TECTA: variants seen among roughly 807,000 people sequenced by gnomAD.
The protein encoded by TECTA is tectorin alpha.
A neutral mutation model predicts 216.8 loss-of-function variants in TECTA; 128 were observed. The ratio of observed to expected loss-of-function variants is 0.59; its 90% CI spans 0.51 to 0.68. The LOEUF is 0.68. TECTA is among the 30% of genes least tolerant of loss of function. The pLI is 0.00. For missense variants in TECTA, 2,551 were observed against 2,786.2 expected, an observed-to-expected ratio of 0.92 and a Z score of 1.90; for synonymous variants, 1,089 against 1,117.1, an observed-to-expected ratio of 0.97 and a Z score of 0.50.
chr11:121,117,574 T>C (rs1194342071), intron 6 of TECTA, among the ~76,000 whole-genome samples: 1 of 152,226 alleles, frequency 6.6e-6, no homozygotes, highest in Non-Finnish European at 1.5e-5. Context: ...CCCTCCCCTT[T>C]CCTCATTCTC....
At chr11:121,189,026 A>G (rs1489491160) in intron 21 of TECTA, 54 bp from the exon 22 acceptor site, 8 of 1,581,728 alleles carry the variant, frequency 5.1e-6, no homozygotes, top group African/African-American at 2.7e-5. Flanking sequence ...ATGGTGAAGA[A>G]TAAGTTATCA....
At chr11:121,104,417 T>C (rs1023590594) in intron 2 of TECTA, among the ~76,000 whole-genome samples, 1 of 152,134 alleles carries the variant, frequency 6.6e-6, no homozygotes, top group Non-Finnish European at 1.5e-5. Context: ...TCGGGCTGCT[T>C]CTCAGCAACT....
chr11:121,127,596 G>A lies in TECTA; in HGVS notation c.1775-156G>A, dbSNP rs549872431. On this transcript the variant is annotated intron_variant, in intron 8 of 23. Transcript: ENST00000392793. This position sits in a 1 kb window ranked among gnomAD's most constrained non-coding sequence, Gnocchi z 5.0. ...GTTATTAGGAGAGTCATTGAGCTGGGTTTTACAGATACAACCTCAATTCTG... is the reference window on the plus strand; with the variant it reads ...GTTATTAGGAGAGTCATTGAGCTGGATTTTACAGATACAACCTCAATTCTG... 1.3e-5 allele frequency among the ~76,000 whole-genome samples: 2 copies of A among 152,272 alleles called. No individual in the cohort carries two copies. The highest frequency in any genetic ancestry group is 4.1e-4 in the South Asian group (2 of 4,820).
rs767178905 is a variant in TECTA at position 121,190,740 on chromosome 11, GCTT to G, written c.6408_6410del (p.Leu2137del). 1.2e-6 allele frequency: 2 copies of G among 1,613,700 alleles called. No homozygotes were observed. Among genetic ancestry groups the G allele is most frequent in the Admixed American group, 1.7e-5 (1 of 59,998 alleles). Reference sequence around the variant, plus strand: ...CTTCAATGGAACTTCAAGTCTGGACGCTTCTTCTCATCATGATCCAGATTTCAT... The same window carrying G: ...CTTCAATGGAACTTCAAGTCTGGACGCTTCTCATCATGATCCAGATTTCAT... On this transcript the variant is annotated inframe_deletion, in exon 24 of 24. Coordinates refer to ENST00000392793, the MANE Select transcript of TECTA (RefSeq NM_005422.4).
chr11:121,166,539 A>T, intron 17 of TECTA, 39 bp from the exon 18 acceptor site: 1 of 1,609,384 alleles, frequency 6.2e-7, no homozygotes, highest in Non-Finnish European at 8.5e-7. Context: ...AGCAAGACCG[A>T]CTCCACTGAT....
At chr11:121,183,828 C>G (rs1383368202) in intron 20 of TECTA, among the ~76,000 whole-genome samples, 1 of 152,144 alleles carries the variant, frequency 6.6e-6, no homozygotes, top group Non-Finnish European at 1.5e-5. Flanking sequence ...CACTCTATTG[C>G]CCAGGCTAGA....
intron 20 of TECTA, among the ~76,000 whole-genome samples, chr11:121,180,516 CTT>C (rs1372050662): frequency 4.6e-5 from 7 of 152,112 alleles, no homozygotes; most frequent in African/African-American, 1.7e-4. Context: ...TTATATATAA[CTT>C]GATGCTTTTC....
intron 20 of TECTA, among the ~76,000 whole-genome samples, chr11:121,170,528 T>C (rs1342699187): frequency 2.6e-5 from 4 of 152,132 alleles, no homozygotes; most frequent in Admixed American, 1.3e-4. Context: ...GCTGTACTCA[T>C]TTCTAGTCCC....
rs190884840 is a variant in TECTA at position 121,105,998 on chromosome 11, G to C, written c.198+34G>C. 13,565 of 1,614,012 alleles carry C rather than the reference G, an allele frequency of 8.4e-3. 107 individuals are homozygous for C. The highest frequency in any genetic ancestry group is 0.03 in the South Asian group (2,732 of 91,076). On this transcript the variant is annotated intron_variant, in intron 3 of 23. Transcript: ENST00000392793. This position sits in a 1 kb window ranked among gnomAD's most constrained non-coding sequence, Gnocchi z 5.3. ...AGAAGCAGCCCATCTGTTGTTCTCT[G>C]GCCCTCCCTTTTGTTTGTCATTAAG...
chr11:121,163,645 T>C (rs977818163), intron 16 of TECTA, among the ~76,000 whole-genome samples: 5 of 152,216 alleles, frequency 3.3e-5, no homozygotes, highest in African/African-American at 1.2e-4. Flanking sequence ...CTTTAAAAAT[T>C]AACTGTTTTG....
rs1291580325 is a variant in TECTA, at chr11:121,168,701, C to T, written c.5775C>T (p.Thr1925=). 6.2e-7 allele frequency: 1 copy of T among 1,613,956 alleles called. No homozygotes were observed. Among genetic ancestry groups the T allele is most frequent in the African/African-American group, 1.3e-5 (1 of 74,882 alleles). Residue 1925 remains threonine (T), a synonymous_variant, in exon 20 of 24, where the codon ACC becomes ACT. Transcript: ENST00000392793. ...GTGTAATTAACCTGACAGTTCCAAC[C>T]CAAGAAGGCAGCTTCATCACCAAGA... The part of the protein sequence containing the change: ...MLSVINLTVP[T]QEGSFITKMA...
chr11:121,129,527 C>A, intron 9 of TECTA, 111 bp from the exon 10 acceptor site: 1 of 1,097,782 alleles, frequency 9.1e-7, no homozygotes, highest in Non-Finnish European at 1.4e-6. Context: ...AGCTTCTTGA[C>A]CTCTCTCAAA....
At chr11:121,166,275 A>G (rs1947052341) in intron 17 of TECTA, among the ~76,000 whole-genome samples, 1 of 152,226 alleles carries the variant, frequency 6.6e-6, no homozygotes, top group Non-Finnish European at 1.5e-5. Context: ...TTCAGTATGC[A>G]GCTTACAGAA....
chr11:121,154,498 A>T (rs1186827659), intron 13 of TECTA, among the ~76,000 whole-genome samples: 1 of 152,260 alleles, frequency 6.6e-6, no homozygotes, highest in Non-Finnish European at 1.5e-5. Context: ...AGGAGAAGAT[A>T]TAACCAGGCT....
rs745414042 is a variant in TECTA at position 121,125,778 on chromosome 11, T to C, written c.1680T>C (p.Asn560=). The C allele has an allele frequency of 7.4e-6, 12 of 1,614,034 alleles. No homozygotes were observed. Among genetic ancestry groups the C allele is most frequent in the Non-Finnish European group, 8.5e-6 (10 of 1,180,044 alleles). Residue 560 remains asparagine, a synonymous_variant, in exon 8 of 24, where the codon AAT becomes AAC. Transcript: ENST00000392793. The stretch of plus-strand genomic sequence containing the variant: ...ATGACCTGTGCAGTGTGAGGGACAA[T>C]GGCACGCTCCTCTGCCAAGCCATCC... ...CVYDLCSVRD[N]GTLLCQAIQA... is the part of the protein sequence containing the mutation.
At chr11:121,183,217 G>A (rs1389456511) in intron 20 of TECTA, among the ~76,000 whole-genome samples, 1 of 152,186 alleles carries the variant, frequency 6.6e-6, no homozygotes, top group Non-Finnish European at 1.5e-5. Flanking sequence ...CTCCAGGGAT[G>A]TGAAGAAGCA....
chr11:121,126,625 A>T (rs890263526), intron 8 of TECTA, among the ~76,000 whole-genome samples: 4 of 152,220 alleles, frequency 2.6e-5, no homozygotes, highest in African/African-American at 9.6e-5. Flanking sequence ...ATTGTAATCC[A>T]TGCATTTGAG....
chr11:121,102,162 G>A (rs1377825378), intron 1 of TECTA, among the ~76,000 whole-genome samples: 3 of 152,132 alleles, frequency 2.0e-5, no homozygotes, highest in Non-Finnish European at 4.4e-5. Flanking sequence ...GAAGGTGATG[G>A]CAGACTCTAA....
intron 19 of TECTA, 114 bp downstream of exon 19, chr11:121,168,331 C>T (rs913889531): frequency 1.1e-5 from 15 of 1,406,798 alleles, no homozygotes; most frequent in African/African-American, 8.5e-5. Context: ...ACATAATTCA[C>T]GTTTCTTGAG....
Sources: allele counts gnomAD v4.1 joint callset (sites outside exome capture counted in the v4.1 genomes callset), GRCh38; gene constraint gnomAD v4.1.1; non-coding constraint Gnocchi (gnomAD v3.1); transcripts MANE v1.5; gene names NCBI Gene and HGNC (gene_info 2026-07-23, HGNC 2026-07-21).